The following SPECC1L variants were observed in gnomAD, a reference collection of about 807,000 sequenced individuals.
SPECC1L encodes sperm antigen with calponin homology and coiled-coil domains 1 like, also known as cytospin-A.
SPECC1L carries 40 observed loss-of-function variants against 116.8 expected under a neutral mutation model. That is an observed-to-expected ratio of 0.34 (90% CI 0.27 to 0.45). The LOEUF (loss-of-function observed/expected upper bound fraction) is 0.45, where lower values mean the gene tolerates loss of function less well. SPECC1L is among the 20% of genes least tolerant of loss of function. The probability of loss-of-function intolerance (pLI) is 1.00; values close to 1 mark genes in which losing one functional copy is unlikely to be tolerated. For synonymous variants in SPECC1L, 504 were observed against 500.6 expected, an observed-to-expected ratio of 1.01 and a Z score of -0.09; for missense variants, 1,110 against 1,373.6, an observed-to-expected ratio of 0.81 and a Z score of 3.03.
At chr22:24,380,506 C>T (rs2042045391) in intron 14 of SPECC1L, among the ~76,000 whole-genome samples, 1 of 152,172 alleles carries the variant, frequency 6.6e-6, no homozygotes, top group African/African-American at 2.4e-5. Flanking sequence ...AGATAGATTC[C>T]CTAATACCCA....
intron 2 of SPECC1L, among the ~76,000 whole-genome samples, chr22:24,289,793 T>C (rs183966952): frequency 1.3e-4 from 20 of 152,236 alleles, no homozygotes; most frequent in Admixed American, 1.3e-3. Flanking sequence ...AAGTTTGTTT[T>C]TCCTTTCTGT....
intron 14 of SPECC1L, among the ~76,000 whole-genome samples, chr22:24,381,265 A>C (rs1276061909): frequency 6.6e-6 from 1 of 152,200 alleles, no homozygotes; most frequent in Non-Finnish European, 1.5e-5. Flanking sequence ...GAAAAATCTC[A>C]ATGTTTTCTG....
At chr22:24,347,929 A>G (rs568272001) in intron 11 of SPECC1L, among the ~76,000 whole-genome samples, 15 of 151,940 alleles carry the variant, frequency 9.9e-5, no homozygotes, top group East Asian at 1.9e-4. Flanking sequence ...GCCCACCTCA[A>G]CCTCCCTAAG....
intron 2 of SPECC1L, among the ~76,000 whole-genome samples, chr22:24,288,603 C>CA (rs1418555124): frequency 1.6e-5 from 2 of 128,658 alleles, no homozygotes; most frequent in Non-Finnish European, 3.2e-5. Context: ...TTCTCAAATC[C>CA]AAAATTTTAA....
intron 6 of SPECC1L, among the ~76,000 whole-genome samples, chr22:24,327,631 C>T (rs1414409314): frequency 2.0e-5 from 3 of 151,808 alleles, no homozygotes; most frequent in Admixed American, 2.0e-4. Context: ...TCGTTAAGTT[C>T]TGTCAATAGG....
chr22:24,355,742 C>G (rs1368940768), intron 11 of SPECC1L, among the ~76,000 whole-genome samples: 2 of 152,130 alleles, frequency 1.3e-5, no homozygotes, highest in African/African-American at 4.8e-5. Flanking sequence ...GTTGGTCTGT[C>G]ATGGTTTCGT....
intron 10 of SPECC1L, among the ~76,000 whole-genome samples, chr22:24,342,650 G>A (rs1408093823): frequency 6.8e-6 from 1 of 147,808 alleles, no homozygotes; most frequent in Admixed American, 6.7e-5. Context: ...TCCAGCCTGG[G>A]CTACAGAGCA....
At chr22:24,361,452 C>T (rs2041641635) in intron 11 of SPECC1L, among the ~76,000 whole-genome samples, 1 of 152,034 alleles carries the variant, frequency 6.6e-6, no homozygotes, top group African/African-American at 2.4e-5. Context: ...CCTGTAATCC[C>T]AGCACTTTGG....
chr22:24,369,466 C>A, intron 14 of SPECC1L, 146 bp downstream of exon 14: 1 of 707,122 alleles, frequency 1.4e-6, no homozygotes, highest in South Asian at 1.5e-5. Context: ...CATTGGGAGG[C>A]TGAGGCAGAT....
intron 2 of SPECC1L, among the ~76,000 whole-genome samples, chr22:24,278,495 T>C (rs1569399976): frequency 2.0e-5 from 3 of 152,202 alleles, no homozygotes; most frequent in South Asian, 2.1e-4. Flanking sequence ...CATAGTAATA[T>C]TGCATAATAT....
At chr22:24,301,890 C>A (rs895261623) in intron 2 of SPECC1L, among the ~76,000 whole-genome samples, 7 of 151,850 alleles carry the variant, frequency 4.6e-5, no homozygotes, top group African/African-American at 1.7e-4. Flanking sequence ...ACTAAAAATA[C>A]AAAAAATTAG....
At position 24,347,657 on chromosome 22, in the gene SPECC1L, G is replaced by A. The variant is rs1176736475; in HGVS notation, c.2743+481G>A. On this transcript the variant is annotated intron_variant, in intron 11 of 16. Transcript: ENST00000314328. ...GTCAGCAACTCTTTGGAGCCCTTGG[G>A]AGGAACTTGCTGTTTTCACACAGCC... 2.6e-5 allele frequency among the ~76,000 whole-genome samples: 4 copies of A among 152,184 alleles called. No individual in the cohort carries two copies. In the East Asian group the frequency reaches 7.7e-4, roughly 29 times the overall value.
intron 14 of SPECC1L, among the ~76,000 whole-genome samples, chr22:24,384,804 C>T (rs1205420542): frequency 5.3e-5 from 8 of 152,120 alleles, no homozygotes; most frequent in East Asian, 1.9e-4. Context: ...AGGCCGGGTG[C>T]GGTGGCTCAC....
At position 24,340,140 on chromosome 22, in the gene SPECC1L, C is replaced by CTT. The variant is rs765402107; in HGVS notation, c.2652+1688_2652+1689dup. ...AATACTGTTCCACCAATTTAATGAC[C>CTT]TTTTTTTTTTTTTTTTTTTTTTTTT... is the stretch of plus-strand genomic sequence containing the variant. On this transcript the variant is annotated intron_variant, in intron 10 of 16. Transcript: ENST00000314328. Among the ~76,000 whole-genome samples the CTT allele has an allele frequency of 3.7e-3, 392 of 105,156 alleles. 34 individuals are homozygous for CTT. The highest frequency in any genetic ancestry group is 0.016 in the South Asian group (44 of 2,770). 69.0% of individuals were successfully genotyped at this position (105,156 alleles called of 152,430 possible). A position where few individuals can be genotyped will look rare whatever the true frequency, so the allele number is the denominator to read the frequency against.
intron 3 of SPECC1L, among the ~76,000 whole-genome samples, chr22:24,311,916 A>T (rs934248089): frequency 4.1e-5 from 6 of 147,734 alleles, no homozygotes; most frequent in African/African-American, 1.5e-4. Flanking sequence ...CTTAATTACT[A>T]GAGTTGAATT....
chr22:24,322,659 C>T lies in SPECC1L; in HGVS notation c.1679C>T (p.Ala560Val). 6.2e-7 allele frequency: 1 copy of T among 1,613,494 alleles called. No homozygotes were observed. The highest frequency in any genetic ancestry group is 8.5e-7 in the Non-Finnish European group (1 of 1,179,780). ...CAGAAAGGAAAAGCAGCCTTGGCAG[C>T]CACGTTAGAGGAATACAAAGCCACA... ...SEQKGKAALA[A>V]TLEEYKATVA... Residue 560 changes from alanine (A) to valine (V), a missense_variant, in exon 5 of 17, where the codon GCC becomes GTC. Around this residue, in one of 4 missense-constraint regions of SPECC1L, gnomAD observed 575 missense variants for 682.4 expected, o/e 0.84. Coordinates refer to ENST00000314328, the MANE Select transcript of SPECC1L (RefSeq NM_015330.6).
intron 2 of SPECC1L, among the ~76,000 whole-genome samples, chr22:24,284,766 A>G (rs1446469916): frequency 3.3e-5 from 5 of 152,152 alleles, no homozygotes; most frequent in South Asian, 4.1e-4. Context: ...CACCACCACA[A>G]TACTATTATC....
intron 3 of SPECC1L, among the ~76,000 whole-genome samples, chr22:24,307,892 A>G (rs999840404): frequency 1.3e-5 from 2 of 151,854 alleles, no homozygotes; most frequent in Middle Eastern, 3.4e-3. Context: ...TAGATCCTCA[A>G]TCTGTCTGGA....
chr22:24,374,305 A>G (rs2041928142), intron 14 of SPECC1L, among the ~76,000 whole-genome samples: 1 of 152,082 alleles, frequency 6.6e-6, no homozygotes, highest in South Asian at 2.1e-4. Context: ...TCATGCTGCT[A>G]TAAAGACACA....
Sources: gnomAD v4.1 joint callset for allele counts (sites outside exome capture counted in the v4.1 genomes callset) on GRCh38, gnomAD v4.1.1 for gene constraint, gnomAD v4.1.1 regional missense constraint, MANE v1.5 for transcripts, NCBI Gene and HGNC (gene_info 2026-07-23, HGNC 2026-07-21) for gene names.